Variants in ATE1 observed in about 807,000 individuals in gnomAD.
The protein encoded by ATE1 is arginyltransferase 1.
A neutral mutation model predicts 70.5 loss-of-function variants in ATE1; 36 were observed. The ratio of observed to expected loss-of-function variants is 0.51; its 90% confidence interval spans 0.39 to 0.67. The LOEUF (loss-of-function observed/expected upper bound fraction) is 0.67. ATE1 is among the 30% of genes least tolerant of loss of function. The pLI, the probability that ATE1 is intolerant of heterozygous loss-of-function variation, is 0.00. For synonymous variants in ATE1, 232 were observed against 219.3 expected, an observed-to-expected ratio of 1.06 and a Z score of -0.51; for missense variants, 593 against 629.5, an observed-to-expected ratio of 0.94 and a Z score of 0.62.
At chr10:121,830,052 C>G (rs976814498) in intron 10 of ATE1, among the ~76,000 whole-genome samples, 2 of 152,178 alleles carry the variant, frequency 1.3e-5, no homozygotes, top group African/African-American at 4.8e-5. Flanking sequence ...GGACCAACAC[C>G]TATCTTACAA....
At chr10:121,919,690 G>C (rs575446946) in intron 3 of ATE1, among the ~76,000 whole-genome samples, 5 of 147,198 alleles carry the variant, frequency 3.4e-5, no homozygotes, top group African/African-American at 1.3e-4. Flanking sequence ...GGTAGATCAC[G>C]AGTTCGAGAG....
chr10:121,878,081 A>G (rs1950112279), intron 7 of ATE1, among the ~76,000 whole-genome samples: 1 of 152,214 alleles, frequency 6.6e-6, no homozygotes, highest in Non-Finnish European at 1.5e-5. Flanking sequence ...TGTCACATGG[A>G]TTTCACACAG....
chr10:121,770,480 C>T (rs1015834500), intron 11 of ATE1, among the ~76,000 whole-genome samples: 1 of 152,000 alleles, frequency 6.6e-6, no homozygotes, highest in South Asian at 2.1e-4. Context: ...AAAACTATAG[C>T]GTTTTATGTA....
intron 10 of ATE1, among the ~76,000 whole-genome samples, chr10:121,824,919 AT>A (rs1947946087): frequency 6.6e-6 from 1 of 152,004 alleles, no homozygotes; most frequent in Non-Finnish European, 1.5e-5. Flanking sequence ...AATAATAAAT[AT>A]TTGAAAAGCA....
At chr10:121,810,433 G>A (rs1947272976) in intron 10 of ATE1, among the ~76,000 whole-genome samples, 1 of 152,014 alleles carries the variant, frequency 6.6e-6, no homozygotes, top group Non-Finnish European at 1.5e-5. Context: ...ACCATGCCTG[G>A]CTAATTTTTT....
At chr10:121,902,369 C>A in intron 6 of ATE1, 22 bp downstream of exon 6, 5 of 1,581,798 alleles carry the variant, frequency 3.2e-6, no homozygotes, top group South Asian at 2.3e-5. Flanking sequence ...ATAAAACAAA[C>A]AACAAAAGTC....
intron 11 of ATE1, among the ~76,000 whole-genome samples, chr10:121,760,595 T>C (rs890310463): frequency 2.6e-5 from 4 of 152,048 alleles, no homozygotes; most frequent in South Asian, 2.1e-4. Context: ...GGAGGAGGAG[T>C]TGTTTCTTAT....
chr10:121,765,413 C>T (rs1268024461), intron 11 of ATE1, among the ~76,000 whole-genome samples: 2 of 152,214 alleles, frequency 1.3e-5, no homozygotes, highest in East Asian at 1.9e-4. Flanking sequence ...ATATTCAAAT[C>T]GTGGGGAGGT....
chr10:121,922,503 A>T, intron 2 of ATE1, 92 bp from the exon 3 acceptor site: 1 of 757,728 alleles, frequency 1.3e-6, no homozygotes, highest in Non-Finnish European at 2.2e-6. Context: ...AAGGTTAAAA[A>T]TCTAATCAAC....
intron 9 of ATE1, among the ~76,000 whole-genome samples, chr10:121,838,484 C>T (rs2133766946): frequency 6.6e-6 from 1 of 152,300 alleles, no homozygotes; most frequent in South Asian, 2.1e-4. Flanking sequence ...TGCTAACCTT[C>T]ACTTGAACTT....
At chr10:121,744,588 C>T (rs2135645761) in intron 11 of ATE1, among the ~76,000 whole-genome samples, 1 of 152,324 alleles carries the variant, frequency 6.6e-6, no homozygotes, top group East Asian at 1.9e-4. Context: ...AAGCTTTTGG[C>T]TGACTCTGCA....
intron 5 of ATE1, among the ~76,000 whole-genome samples, chr10:121,910,562 G>A (rs373279156): frequency 6.6e-5 from 10 of 152,106 alleles, no homozygotes; most frequent in Admixed American, 1.3e-4. Flanking sequence ...TATAATTCAT[G>A]TTGTCTCACT....
chr10:121,746,757 C>G, intron 11 of ATE1, among the ~76,000 whole-genome samples: 1 of 147,162 alleles, frequency 6.8e-6, no homozygotes, highest in African/African-American at 2.5e-5. Flanking sequence ...GTAATTGTAG[C>G]AAAAAAAAAA....
chr10:121,801,167 G>A (rs1946863295), intron 10 of ATE1, among the ~76,000 whole-genome samples: 1 of 152,180 alleles, frequency 6.6e-6, no homozygotes, highest in Non-Finnish European at 1.5e-5. Context: ...TGTGCTGCTA[G>A]GCTAAGCTTT....
intron 10 of ATE1, among the ~76,000 whole-genome samples, chr10:121,811,225 TG>T (rs1202331084): frequency 6.6e-6 from 1 of 152,116 alleles, no homozygotes; most frequent in Non-Finnish European, 1.5e-5. Context: ...ATAATATGCA[TG>T]CATATGTGTA....
At chr10:121,906,189 T>C (rs1387121491) in intron 5 of ATE1, among the ~76,000 whole-genome samples, 1 of 151,880 alleles carries the variant, frequency 6.6e-6, no homozygotes, top group Non-Finnish European at 1.5e-5. Context: ...AGCACAGGAG[T>C]TCCAGACCAG....
chr10:121,841,731 A>G (rs914359168), intron 8 of ATE1, among the ~76,000 whole-genome samples: 1 of 152,146 alleles, frequency 6.6e-6, no homozygotes, highest in African/African-American at 2.4e-5. Context: ...ACACAAAAAC[A>G]TAAGAATGAC....
rs1474905528 is a variant in ATE1 at position 121,875,288 on chromosome 10, T to G, written c.943-5250A>C. 1.6e-4 allele frequency among the ~76,000 whole-genome samples: 22 copies of G among 140,882 alleles called. 1 individual carries two copies. Among genetic ancestry groups the G allele is most frequent in the South Asian group, 6.7e-4 (3 of 4,498 alleles). 92.4% of individuals were successfully genotyped at this position (140,882 alleles called of 152,430 possible). A position where few individuals can be genotyped will look rare whatever the true frequency, so the allele number is the denominator to read the frequency against. On this transcript the variant is annotated intron_variant, in intron 7 of 11. Coordinates refer to ENST00000224652, the MANE Select transcript of ATE1 (RefSeq NM_001001976.3). ...ACTTAAGTAATTTGGGCCTTGAGGG[T>G]TTTTTTTTGGTTTTTTTTTGTTTTT...
chr10:121,887,844 A>G (rs1008982384), intron 7 of ATE1, among the ~76,000 whole-genome samples: 3 of 152,206 alleles, frequency 2.0e-5, no homozygotes, highest in African/African-American at 4.8e-5. Context: ...ACAGAGAGAA[A>G]TCTCTTCTTT....
Sources: allele counts gnomAD v4.1 joint callset (sites outside exome capture counted in the v4.1 genomes callset), GRCh38; gene constraint gnomAD v4.1.1; transcripts MANE v1.5; gene names NCBI Gene and HGNC (gene_info 2026-07-23, HGNC 2026-07-21).